DNAH3: variants seen among roughly 807,000 people sequenced by gnomAD.
DNAH3 encodes axonemal beta dynein heavy chain 3.
In DNAH3, 332 loss-of-function variants were observed where a neutral mutation model predicts 432.5. The ratio of observed to expected loss-of-function variants is 0.77; its 90% CI spans 0.70 to 0.84. DNAH3 has a LOEUF of 0.84. Ranked by LOEUF, DNAH3 falls within the 40% of genes least tolerant of loss-of-function variation. The probability of loss-of-function intolerance (pLI) is 0.00; values close to 1 mark genes in which losing one functional copy is unlikely to be tolerated. For synonymous variants in DNAH3, 1,956 were observed against 1,900.2 expected (o/e 1.03, Z -0.76); for missense variants, 4,861 against 5,114.0 (o/e 0.95, Z 1.51).
chr16:20,956,784 T>G (rs1327164211), intron 54 of DNAH3, among the ~76,000 whole-genome samples: 1 of 152,138 alleles, frequency 6.6e-6, no homozygotes, highest in Non-Finnish European at 1.5e-5. Context: ...AGTGCAGTGG[T>G]GCAATCTCAG....
intron 28 of DNAH3, among the ~76,000 whole-genome samples, 199 bp downstream of exon 28, chr16:21,054,221 A>C (rs1597254172): frequency 6.6e-6 from 1 of 152,242 alleles, no homozygotes; most frequent in Non-Finnish European, 1.5e-5. Context: ...GGTCCCTGGA[A>C]ATCAGGTTGC....
chr16:21,118,737 C>G (rs545030405), intron 11 of DNAH3, among the ~76,000 whole-genome samples: 1 of 152,196 alleles, frequency 6.6e-6, no homozygotes, highest in Non-Finnish European at 1.5e-5. Flanking sequence ...TGGCCCTCGG[C>G]TCAGCCTCCA....
At chr16:21,128,422 C>T (rs960765042) in intron 7 of DNAH3, among the ~76,000 whole-genome samples, 4 of 151,596 alleles carry the variant, frequency 2.6e-5, no homozygotes, top group Non-Finnish European at 4.4e-5. Flanking sequence ...AGGCCGGGCG[C>T]GGTGGCTCAC....
At chr16:21,015,257 T>C (rs2087800479) in intron 41 of DNAH3, among the ~76,000 whole-genome samples, 1 of 152,228 alleles carries the variant, frequency 6.6e-6, no homozygotes, top group South Asian at 2.1e-4. Flanking sequence ...AAAATCCATG[T>C]AGGAACCTCA....
At chr16:21,097,553 C>T (rs996522322) in intron 17 of DNAH3, 54 bp from the exon 18 acceptor site, 208 of 1,602,152 alleles carry the variant, frequency 1.3e-4, no homozygotes, top group African/African-American at 9.0e-4. Context: ...CCTAAGCCCT[C>T]GAAGACACCA....
intron 44 of DNAH3, among the ~76,000 whole-genome samples, chr16:20,992,977 T>C (rs1220479576): frequency 6.6e-6 from 1 of 152,148 alleles, no homozygotes; most frequent in East Asian, 1.9e-4. Flanking sequence ...GCAATTCTCA[T>C]GTTTCAGCCT....
intron 49 of DNAH3, among the ~76,000 whole-genome samples, chr16:20,981,981 A>G (rs1224014311): frequency 1.4e-5 from 2 of 144,258 alleles, no homozygotes; most frequent in Non-Finnish European, 3.0e-5. Flanking sequence ...TAAAGCATAT[A>G]TATAAAGCAC....
chr16:21,089,503 A>G (rs1235983980), intron 18 of DNAH3, among the ~76,000 whole-genome samples: 2 of 152,232 alleles, frequency 1.3e-5, no homozygotes, highest in African/African-American at 2.4e-5. Context: ...AAGTAAAATC[A>G]TGCAAAGTGT....
chr16:20,963,886 A>G lies in DNAH3; in HGVS notation c.9998T>C (p.Leu3333Ser), dbSNP rs150019453. The G allele has an allele frequency of 2.2e-5, 35 of 1,614,004 alleles. 1 individual carries two copies. Among genetic ancestry groups the G allele is most frequent in the Admixed American group, 5.0e-5 (3 of 59,980 alleles). ...TTCCTCGCTCTTCGTGCTGTGGGTC[A>G]AGGAATGCATGTAGAGATTTATGAA... The change falls in exon 53 of 62, where the codon TTG becomes TCG. Residue 3333 changes from leucine to serine, a missense_variant. Coordinates refer to ENST00000261383, the Ensembl canonical transcript of DNAH3.
intron 57 of DNAH3, among the ~76,000 whole-genome samples, chr16:20,945,827 CTA>C (rs2084020710): frequency 6.6e-6 from 1 of 152,132 alleles, no homozygotes; most frequent in Non-Finnish European, 1.5e-5. Flanking sequence ...TTGTTGTACT[CTA>C]TAGACTCGCC....
intron 52 of DNAH3, among the ~76,000 whole-genome samples, chr16:20,968,672 GTCCC>G (rs1307442693): frequency 6.6e-6 from 1 of 151,140 alleles, no homozygotes; most frequent in East Asian, 1.9e-4. Context: ...TTGTTCATCT[GTCCC>G]TCTCTCTCTC....
chr16:21,044,125 C>T (rs1399498285), intron 31 of DNAH3, among the ~76,000 whole-genome samples: 1 of 140,548 alleles, frequency 7.1e-6, no homozygotes, highest in South Asian at 2.6e-4. Flanking sequence ...CAGCTTTGTT[C>T]TTTTGGCTTA....
chr16:21,159,258 C>G, intron 1 of DNAH3: 1 of 1,357,836 alleles, frequency 7.4e-7, no homozygotes, highest in Non-Finnish European at 1.1e-6. Flanking sequence ...TAACTAAGTA[C>G]TCGACTCCCC....
At chr16:20,985,179 G>T in exon 48 of DNAH3, 1 of 1,614,154 alleles carries the variant, frequency 6.2e-7, no homozygotes, top group Non-Finnish European at 8.5e-7. Context: ...CAGCCTTCTC[G>T]TCAGCAGGGA....
rs2152674935 is a variant in DNAH3 at position 20,988,124 on chromosome 16, G to C, written c.6602-59C>G. ...GAAAACACATATTCTCACACTGTCT[G>C]TGACCCTAGGATGCACACGAGGTGG... On this transcript the variant is annotated intron_variant, in intron 44 of 61. Transcript: ENST00000261383. The C allele has an allele frequency of 3.1e-6, 5 of 1,600,820 alleles. No individual in the cohort carries two copies. In the East Asian group the frequency reaches 6.7e-5, roughly 21 times the overall value.
exon 53 of DNAH3, chr16:20,964,144 G>A: frequency 6.2e-7 from 1 of 1,614,192 alleles, no homozygotes; most frequent in Non-Finnish European, 8.5e-7. Context: ...CTTGGACATG[G>A]AGAGAACCTC....
intron 39 of DNAH3, 56 bp downstream of exon 39, chr16:21,024,540 C>A: frequency 7.6e-7 from 1 of 1,323,410 alleles, no homozygotes; most frequent in Non-Finnish European, 1.0e-6. Flanking sequence ...AGAAGACCCT[C>A]GAGATGAAAA....
chr16:20,951,632 T>C (rs959775521), intron 56 of DNAH3, among the ~76,000 whole-genome samples: 6 of 151,482 alleles, frequency 4.0e-5, no homozygotes, highest in African/African-American at 1.5e-4. Flanking sequence ...TTTGTAGAGA[T>C]GGGATTTTGC....
intron 1 of DNAH3, among the ~76,000 whole-genome samples, chr16:21,152,630 G>C (rs562573943): frequency 6.6e-6 from 1 of 152,234 alleles, no homozygotes; most frequent in African/African-American, 2.4e-5. Flanking sequence ...GGCTGCGCAC[G>C]GCGCTTGCGG....
Sources: allele counts gnomAD v4.1 joint callset (sites outside exome capture counted in the v4.1 genomes callset), GRCh38; gene constraint gnomAD v4.1.1; transcripts MANE v1.5; gene names NCBI Gene and HGNC (gene_info 2026-07-23, HGNC 2026-07-21).